The following STARD13 variants were observed in gnomAD, a reference collection of about 807,000 sequenced individuals.
STARD13 encodes the protein stAR-related lipid transfer protein 13.
A neutral mutation model predicts 106.4 loss-of-function variants in STARD13; 62 were observed. The observed-to-expected ratio is 0.58, with a 90% CI of 0.48 to 0.72. STARD13 has a LOEUF of 0.72. Ranked by LOEUF, STARD13 falls within the 30% of genes least tolerant of loss-of-function variation. STARD13 has a pLI of 0.00. For synonymous variants in STARD13, 565 were observed against 553.0 expected, an observed-to-expected ratio of 1.02 and a Z score of -0.31; for missense variants, 1,387 against 1,424.0, an observed-to-expected ratio of 0.97 and a Z score of 0.42.
the STARD13 span, among the ~76,000 whole-genome samples, chr13:33,427,616 A>T: frequency 9.9e-5 from 15 of 152,210 alleles, no homozygotes; most frequent in African/African-American, 3.4e-4. Context: ...GCCAGTAGTT[A>T]TATACAGGTA....
chr13:33,137,346 C>T (rs986766331), intron 4 of STARD13, among the ~76,000 whole-genome samples: 2 of 152,222 alleles, frequency 1.3e-5, no homozygotes, highest in Non-Finnish European at 2.9e-5. Context: ...CTCTCTCTCT[C>T]ACCTACTCAG....
chr13:33,351,285 C>T (rs1410581067), upstream of STARD13, among the ~76,000 whole-genome samples: 3 of 152,096 alleles, frequency 2.0e-5, no homozygotes, highest in African/African-American at 7.2e-5. Context: ...GCATTACAAT[C>T]TGTATGCAGT....
At chr13:33,325,787 G>A (rs1460684960) in intron 1 of STARD13, among the ~76,000 whole-genome samples, 1 of 152,012 alleles carries the variant, frequency 6.6e-6, no homozygotes, top group African/African-American at 2.4e-5. Context: ...GAGGTCAGGA[G>A]ATCGAGACCA....
chr13:33,384,489 G>T, the STARD13 span, among the ~76,000 whole-genome samples: 1 of 152,032 alleles, frequency 6.6e-6, no homozygotes, highest in African/African-American at 2.4e-5. Context: ...TTTGAATCAC[G>T]TCATTTAATA....
chr13:33,354,239 T>C (rs543189186), upstream of STARD13, among the ~76,000 whole-genome samples: 1 of 152,214 alleles, frequency 6.6e-6, no homozygotes, highest in South Asian at 2.1e-4. Context: ...ATAAAAAGAG[T>C]CCCATTTGAA....
the STARD13 span, among the ~76,000 whole-genome samples, chr13:33,630,335 C>T: frequency 6.6e-6 from 1 of 152,120 alleles, no homozygotes; most frequent in Non-Finnish European, 1.5e-5. Context: ...TAATGAGGCC[C>T]CTGAGACCCT....
the STARD13 span, among the ~76,000 whole-genome samples, chr13:33,545,430 T>C: frequency 6.6e-6 from 1 of 152,358 alleles, no homozygotes; most frequent in South Asian, 2.1e-4. Flanking sequence ...TTTTAAACTT[T>C]ATTGTAATAA....
chr13:33,285,142 T>C (rs1245797627), intron 1 of STARD13, among the ~76,000 whole-genome samples: 3 of 151,852 alleles, frequency 2.0e-5, no homozygotes, highest in South Asian at 4.2e-4. Context: ...TGTGACGGAG[T>C]GTGAGGAAAC....
chr13:33,409,559 T>C, the STARD13 span, among the ~76,000 whole-genome samples: 1 of 152,232 alleles, frequency 6.6e-6, no homozygotes, highest in Non-Finnish European at 1.5e-5. Context: ...TGAAAATTTG[T>C]GCTATGCATT....
the STARD13 span, among the ~76,000 whole-genome samples, chr13:33,660,739 A>G: frequency 1.3e-5 from 2 of 152,294 alleles, no homozygotes; most frequent in African/African-American, 4.8e-5. Context: ...GAGAGCCACC[A>G]TGTCTGGCTA....
At chr13:33,337,336 A>G (rs1044320470) in intron 1 of STARD13, among the ~76,000 whole-genome samples, 2 of 120,014 alleles carry the variant, frequency 1.7e-5, no homozygotes, top group Middle Eastern at 5.1e-3. Context: ...GTAAATATTT[A>G]ATTAAGACAC....
intron 1 of STARD13, among the ~76,000 whole-genome samples, chr13:33,219,377 C>G (rs1262601196): frequency 6.6e-6 from 1 of 151,848 alleles, no homozygotes; most frequent in African/African-American, 2.4e-5. Context: ...CTCCCCCATG[C>G]AGGGCTGGTT....
At chr13:33,385,218 A>AATATGAATATATATAT in the STARD13 span, among the ~76,000 whole-genome samples, 15 of 33,582 alleles carry the variant, frequency 4.5e-4, no homozygotes, top group African/African-American at 9.1e-4. Flanking sequence ...AAAGGTTCGG[A>AATATGAATATATATAT]ATATATATAT....
the STARD13 span, among the ~76,000 whole-genome samples, chr13:33,546,039 T>TA: frequency 4.6e-5 from 7 of 152,248 alleles, no homozygotes; most frequent in Admixed American, 4.6e-4. Context: ...TTATGGCTGT[T>TA]AACATTACAA....
At chr13:33,608,887 C>A in the STARD13 span, among the ~76,000 whole-genome samples, 2 of 151,836 alleles carry the variant, frequency 1.3e-5, no homozygotes, top group African/African-American at 2.4e-5. Flanking sequence ...GAGATCTAGA[C>A]CATCCTGGCT....
At chr13:33,635,255 C>T in the STARD13 span, among the ~76,000 whole-genome samples, 2 of 138,048 alleles carry the variant, frequency 1.4e-5, no homozygotes, top group East Asian at 2.0e-4. Context: ...CCAGACTGCC[C>T]GGGGTTAAAA....
At chr13:33,195,599 C>A (rs1886556070) in intron 1 of STARD13, among the ~76,000 whole-genome samples, 1 of 152,162 alleles carries the variant, frequency 6.6e-6, no homozygotes, top group Non-Finnish European at 1.5e-5. Flanking sequence ...GCAATTTTAG[C>A]CAGGAAGCCG....
chr13:33,289,048 A>C (rs188699454), upstream of STARD13, among the ~76,000 whole-genome samples: 33 of 152,326 alleles, frequency 2.2e-4, no homozygotes, highest in East Asian at 4.0e-3. Flanking sequence ...CTTTTCCTTT[A>C]CAGGCAACTG....
the STARD13 span, among the ~76,000 whole-genome samples, chr13:33,539,811 A>G: frequency 5.3e-5 from 8 of 152,246 alleles, no homozygotes; most frequent in Non-Finnish European, 1.2e-4. Flanking sequence ...GGATACGTAC[A>G]AATCCCTACA....
Sources: gnomAD v4.1 joint callset for allele counts (sites outside exome capture counted in the v4.1 genomes callset) on GRCh38, gnomAD v4.1.1 for gene constraint, MANE v1.5 for transcripts, NCBI Gene and HGNC (gene_info 2026-07-23, HGNC 2026-07-21) for gene names.